Variants in RANBP2 observed in about 807,000 individuals in gnomAD.
RANBP2 encodes the protein RAN binding protein 2, also known as E3 SUMO-protein ligase RanBP2.
In RANBP2, 57 loss-of-function variants were observed where a neutral mutation model predicts 303.6. That is an observed-to-expected ratio of 0.19 (90% confidence interval 0.15 to 0.23). The LOEUF (loss-of-function observed/expected upper bound fraction) is 0.23. Ranked by LOEUF, RANBP2 falls within the 10% of genes least tolerant of loss-of-function variation. The probability of loss-of-function intolerance (pLI) is 1.00; values close to 1 mark genes in which losing one functional copy is unlikely to be tolerated. For missense variants in RANBP2, 3,138 were observed against 3,780.8 expected, an observed-to-expected ratio of 0.83 and a Z score of 4.46; for synonymous variants, 1,167 against 1,301.5, an observed-to-expected ratio of 0.90 and a Z score of 2.23.
In RANBP2 at chr2:108,765,178, T is replaced by C. The variant is rs1677031585; in HGVS notation, c.4639T>C (p.Trp1547Arg). The C allele has an allele frequency of 6.2e-7, 1 of 1,614,056 alleles. No homozygotes were observed. Among genetic ancestry groups the C allele is most frequent in the South Asian group, 1.1e-5 (1 of 91,088 alleles). The part of the protein sequence containing the change: ...EDMFAKKEGQ[W>R]DCSSCLVRNE... ...CATGTTTGCTAAGAAGGAAGGACAG[T>C]GGGATTGCAGTTCATGCTTAGTGCG... Residue 1547 changes from tryptophan (W) to arginine (R), a missense_variant, in exon 20 of 29, where the codon TGG becomes CGG. By Grantham distance (101) the Trp-to-Arg change is moderately radical (BLOSUM62 -3). This residue lies in a region of RANBP2 where 388 missense variants were observed against 328.5 expected (regional missense o/e 1.18). Coordinates refer to ENST00000283195, the MANE Select transcript of RANBP2 (RefSeq NM_006267.5).
the RANBP2 span, among the ~76,000 whole-genome samples, chr2:109,664,534 G>C: frequency 6.6e-6 from 1 of 152,156 alleles, no homozygotes; most frequent in African/African-American, 2.4e-5. Flanking sequence ...AATGTGGGAG[G>C]AGGAGGTTGC....
At chr2:108,812,165 A>G in the RANBP2 span, among the ~76,000 whole-genome samples, 1 of 152,168 alleles carries the variant, frequency 6.6e-6, no homozygotes, top group Non-Finnish European at 1.5e-5. Context: ...ATGGATAGGA[A>G]GACTCAATAT....
the RANBP2 span, chr2:108,908,053 C>A: frequency 6.3e-7 from 1 of 1,580,748 alleles, no homozygotes; most frequent in Non-Finnish European, 8.6e-7. Context: ...ATTAGCAGTG[C>A]CTGGGGGGGC....
chr2:109,518,915 CTTTTT>C, the RANBP2 span, among the ~76,000 whole-genome samples: 5 of 110,998 alleles, frequency 4.5e-5, 1 homozygote, highest in Admixed American at 5.0e-4. Flanking sequence ...TGCTACATAT[CTTTTT>C]TTTTTTTTTT....
the RANBP2 span, among the ~76,000 whole-genome samples, chr2:109,541,694 T>C: frequency 9.9e-3 from 1,508 of 152,366 alleles, 11 homozygotes; most frequent in Non-Finnish European, 0.017. Flanking sequence ...TGCTGTGCCT[T>C]GTACTAGGAA....
chr2:108,739,024 A>G (rs924483134), intron 6 of RANBP2, among the ~76,000 whole-genome samples: 7 of 152,170 alleles, frequency 4.6e-5, no homozygotes, highest in African/African-American at 1.7e-4. Flanking sequence ...AATCTTTTTA[A>G]TGTCTCGCTT....
the RANBP2 span, among the ~76,000 whole-genome samples, chr2:109,310,686 A>G: frequency 1.6e-4 from 10 of 61,180 alleles, no homozygotes; most frequent in Non-Finnish European, 1.8e-4. Flanking sequence ...CAGAAATACA[A>G]ACTACCATCA....
chr2:108,874,454 TCCTTTGAGGCAAATCTGGACA>T, the RANBP2 span, among the ~76,000 whole-genome samples: 3 of 152,218 alleles, frequency 2.0e-5, no homozygotes, highest in African/African-American at 7.2e-5. Flanking sequence ...CTGTAGTGTT[TCCTTTGAGGCAAATCTGGACA>T]CCTTCTATCT....
chr2:109,156,946 A>C, the RANBP2 span, among the ~76,000 whole-genome samples: 1 of 152,226 alleles, frequency 6.6e-6, no homozygotes, highest in Non-Finnish European at 1.5e-5. Flanking sequence ...TCTTATTTAA[A>C]GACTACCAAT....
the RANBP2 span, among the ~76,000 whole-genome samples, chr2:109,297,788 A>G: frequency 6.7e-6 from 1 of 150,040 alleles, no homozygotes; most frequent in Non-Finnish European, 1.5e-5. Flanking sequence ...ATTGCCCCCA[A>G]CTAGGTCAGC....
the RANBP2 span, among the ~76,000 whole-genome samples, chr2:109,115,072 A>G: frequency 1.3e-5 from 2 of 152,134 alleles, no homozygotes; most frequent in Non-Finnish European, 2.9e-5. Context: ...CAATTTTGGA[A>G]TAGGTGTGGT....
chr2:109,499,234 G>A, the RANBP2 span, among the ~76,000 whole-genome samples: 1 of 152,156 alleles, frequency 6.6e-6, no homozygotes. Flanking sequence ...CTCGGCGTCT[G>A]TGGAGATGGG....
the RANBP2 span, chr2:109,737,264 T>C: frequency 1.3e-6 from 1 of 748,580 alleles, no homozygotes; most frequent in Non-Finnish European, 2.3e-6. Flanking sequence ...TATTTTTTGG[T>C]GAGATATTTC....
At chr2:108,984,504 G>A in the RANBP2 span, among the ~76,000 whole-genome samples, 2 of 152,032 alleles carry the variant, frequency 1.3e-5, no homozygotes, top group African/African-American at 2.4e-5. Flanking sequence ...CCTCTGCTCC[G>A]GCAGCATGGC....
chr2:109,440,947 A>G, the RANBP2 span, among the ~76,000 whole-genome samples: 4 of 152,188 alleles, frequency 2.6e-5, no homozygotes, highest in African/African-American at 9.7e-5. Context: ...CACCAGCCAG[A>G]CGGAAAAATT....
intron 7 of RANBP2, among the ~76,000 whole-genome samples, chr2:108,743,127 T>A (rs1696247131): frequency 6.6e-6 from 1 of 152,218 alleles, no homozygotes. Context: ...AAAATTTATC[T>A]GTCTGTGTGT....
chr2:108,862,473 C>G, the RANBP2 span, among the ~76,000 whole-genome samples: 1 of 152,058 alleles, frequency 6.6e-6, no homozygotes, highest in South Asian at 2.1e-4. Flanking sequence ...TAGGGATGCT[C>G]AACCTGTATA....
At chr2:108,965,838 G>GC in the RANBP2 span, among the ~76,000 whole-genome samples, 1 of 151,970 alleles carries the variant, frequency 6.6e-6, no homozygotes, top group African/African-American at 2.4e-5. Context: ...CTCCCCTCCT[G>GC]CATCATGTAC....
At chr2:109,389,881 G>A in the RANBP2 span, among the ~76,000 whole-genome samples, 6 of 152,120 alleles carry the variant, frequency 3.9e-5, no homozygotes, top group Non-Finnish European at 5.9e-5. Flanking sequence ...TGGCTGGGCC[G>A]GCCCTGGGAG....
Sources: gnomAD v4.1 joint callset for allele counts (sites outside exome capture counted in the v4.1 genomes callset) on GRCh38, gnomAD v4.1.1 for gene constraint, gnomAD v4.1.1 regional missense constraint, MANE v1.5 for transcripts, NCBI Gene and HGNC (gene_info 2026-07-23, HGNC 2026-07-21) for gene names.